The following CSMD1 variants were observed in gnomAD, a reference collection of about 807,000 sequenced individuals.
CSMD1 encodes CUB and Sushi multiple domains 1.
A neutral mutation model predicts 417.5 loss-of-function variants in CSMD1; 213 were observed. The observed-to-expected ratio is 0.51, with a 90% CI of 0.46 to 0.57. The LOEUF (loss-of-function observed/expected upper bound fraction) is 0.57, where lower values mean the gene tolerates loss of function less well. CSMD1 is among the 20% of genes least tolerant of loss of function. The probability of loss-of-function intolerance (pLI) is 0.00; values close to 1 mark genes in which losing one functional copy is unlikely to be tolerated. For synonymous variants in CSMD1, 2,862 were observed against 1,736.8 expected, an observed-to-expected ratio of 1.65 and a Z score of -16.11; for missense variants, 6,923 against 4,529.7, an observed-to-expected ratio of 1.53 and a Z score of -15.17.
At chr8:3,881,608 CAA>C (rs370466578) in intron 5 of CSMD1, among the ~76,000 whole-genome samples, 33 of 102,550 alleles carry the variant, frequency 3.2e-4, no homozygotes, top group South Asian at 1.3e-3. Flanking sequence ...GACTCCATCT[CAA>C]AAAAAAAAAA....
chr8:4,307,277 C>A (rs1228751104), intron 3 of CSMD1, among the ~76,000 whole-genome samples: 1 of 152,044 alleles, frequency 6.6e-6, no homozygotes, highest in East Asian at 1.9e-4. Flanking sequence ...CTGTTGATAT[C>A]TCTCACATAT....
At chr8:4,787,512 T>A in intron 1 of CSMD1, 1 of 1,032,794 alleles carries the variant, frequency 9.7e-7, no homozygotes. Context: ...ATTTTTCAGT[T>A]ATTATAGGAA....
At chr8:4,973,724 G>C (rs1179730174) in intron 1 of CSMD1, among the ~76,000 whole-genome samples, 1 of 152,172 alleles carries the variant, frequency 6.6e-6, no homozygotes, top group African/African-American at 2.4e-5. Flanking sequence ...TGTGATAATA[G>C]ACTTGCTGAT....
chr8:3,142,382 T>G, intron 41 of CSMD1, 83 bp downstream of exon 41: 3 of 1,191,586 alleles, frequency 2.5e-6, no homozygotes, highest in African/African-American at 1.5e-5. Context: ...TTGGAACCAG[T>G]TAGGGAGATT....
intron 6 of CSMD1, among the ~76,000 whole-genome samples, chr8:3,718,627 A>G (rs1231910513): frequency 2.0e-4 from 30 of 152,192 alleles, no homozygotes; most frequent in Admixed American, 2.0e-3. Context: ...TACATGAATC[A>G]TTGTGTCAAG....
chr8:4,511,002 G>C (rs773781291), intron 2 of CSMD1, among the ~76,000 whole-genome samples: 8 of 151,598 alleles, frequency 5.3e-5, no homozygotes, highest in Non-Finnish European at 4.4e-5. Flanking sequence ...ATGATTCAAA[G>C]TGCCTTTAAC....
At chr8:4,484,376 A>G (rs954867403) in intron 2 of CSMD1, among the ~76,000 whole-genome samples, 29 of 152,300 alleles carry the variant, frequency 1.9e-4, no homozygotes, top group African/African-American at 6.7e-4. Flanking sequence ...TACTTACATT[A>G]TGAACACTCT....
chr8:3,437,635 G>A (rs1409762550), intron 12 of CSMD1, among the ~76,000 whole-genome samples: 1 of 152,162 alleles, frequency 6.6e-6, no homozygotes, highest in Non-Finnish European at 1.5e-5. Context: ...ATAGAAGATG[G>A]TTGTGATTAT....
intron 26 of CSMD1, among the ~76,000 whole-genome samples, chr8:3,274,721 G>C (rs566192692): frequency 6.6e-6 from 1 of 152,086 alleles, no homozygotes; most frequent in African/African-American, 2.4e-5. Context: ...TTGGTTTAAA[G>C]TCTGTTTTAT....
Position 3,230,226 on chromosome 8 carries a change from T to A in CSMD1, c.4159A>T (p.Ile1387Phe), listed in dbSNP as rs538040776. 6.3e-7 allele frequency: 1 copy of A among 1,577,360 alleles called. No individual in the cohort carries two copies. The highest frequency in any genetic ancestry group is 2.3e-5 in the East Asian group (1 of 44,094). Reference sequence around the variant, plus strand: ...CCTGGATCGTTACAGGTGGCTGCAATTGAGGCTGCAAACAAAAGAGAAGGC... The same window carrying A: ...CCTGGATCGTTACAGGTGGCTGCAAATGAGGCTGCAAACAAAAGAGAAGGC... Reference protein sequence around the residue: ...SGFSIQFSTSIAATCNDPGMP... With the variant: ...SGFSIQFSTSFAATCNDPGMP... Residue 1387 changes from isoleucine (I) to phenylalanine (F), a missense_variant, in exon 27 of 70, where the codon ATT (isoleucine) becomes TTT (phenylalanine). Coordinates refer to ENST00000635120, the MANE Select transcript of CSMD1 (RefSeq NM_033225.6).
At chr8:4,196,903 A>G (rs1000875822) in intron 3 of CSMD1, among the ~76,000 whole-genome samples, 1 of 152,142 alleles carries the variant, frequency 6.6e-6, no homozygotes, top group African/African-American at 2.4e-5. Context: ...TTAAATTCCC[A>G]CATTTCTAAG....
Position 4,197,284 on chromosome 8 carries a change from A to G in CSMD1, c.416-165185T>C, listed in dbSNP as rs114952436. ...ATTTTCAAATTGAGAAGTATTAGGC[A>G]TTAAGTATTATGATGGGTAATGTTA... On this transcript the variant is annotated intron_variant, in intron 3 of 69. Coordinates refer to ENST00000635120, the MANE Select transcript of CSMD1 (RefSeq NM_033225.6). 5.5e-3 allele frequency among the ~76,000 whole-genome samples: 835 copies of G among 152,374 alleles called. 12 individuals carry two copies. Among genetic ancestry groups the G allele is most frequent in the African/African-American group, 0.019 (810 of 41,586 alleles).
intron 2 of CSMD1, among the ~76,000 whole-genome samples, chr8:4,494,175 G>C (rs1317530635): frequency 6.6e-6 from 1 of 152,122 alleles, no homozygotes; most frequent in Non-Finnish European, 1.5e-5. Context: ...CAATATTCCT[G>C]TCAGCCACAT....
At chr8:4,744,451 T>C (rs111961787) in intron 1 of CSMD1, among the ~76,000 whole-genome samples, 3 of 152,298 alleles carry the variant, frequency 2.0e-5, no homozygotes, top group Middle Eastern at 3.4e-3. Flanking sequence ...TGCGGCACTG[T>C]CCCAAAATGC....
At chr8:2,966,858 C>G in intron 57 of CSMD1, 112 bp from the exon 58 acceptor site, 3 of 915,356 alleles carry the variant, frequency 3.3e-6, no homozygotes, top group Non-Finnish European at 1.7e-6. Flanking sequence ...TATTACAAAC[C>G]CAAAGCACAC....
chr8:4,039,269 A>T (rs193125416), intron 3 of CSMD1, among the ~76,000 whole-genome samples: 1 of 152,210 alleles, frequency 6.6e-6, no homozygotes, highest in East Asian at 1.9e-4. Context: ...AGAAAATATA[A>T]CTCCAAATTC....
chr8:4,393,937 G>A (rs1804031985), intron 3 of CSMD1, among the ~76,000 whole-genome samples: 1 of 152,160 alleles, frequency 6.6e-6, no homozygotes, highest in African/African-American at 2.4e-5. Context: ...GTAAGATATT[G>A]CCTGTGTTTC....
intron 47 of CSMD1, 117 bp downstream of exon 47, chr8:3,096,731 TG>T: frequency 1.3e-6 from 1 of 741,196 alleles, no homozygotes; most frequent in Non-Finnish European, 2.1e-6. Flanking sequence ...TTGTTTGCTT[TG>T]GGAAAACATA....
chr8:4,228,678 T>A (rs1212580863), intron 3 of CSMD1, among the ~76,000 whole-genome samples: 1 of 152,024 alleles, frequency 6.6e-6, no homozygotes, highest in East Asian at 1.9e-4. Context: ...TTTTATTTTA[T>A]TCATTTATTA....
Sources: allele counts gnomAD v4.1 joint callset (sites outside exome capture counted in the v4.1 genomes callset), GRCh38; gene constraint gnomAD v4.1.1; transcripts MANE v1.5; gene names NCBI Gene and HGNC (gene_info 2026-07-23, HGNC 2026-07-21).